The following TTLL2 variants were observed in gnomAD, a reference collection of about 807,000 sequenced individuals.
The protein encoded by TTLL2 is probable tubulin polyglutamylase TTLL2.
Under a neutral mutation model 7.5 loss-of-function variants are expected in TTLL2, and 10 were observed. The observed-to-expected ratio is 1.33, with a 90% CI of 0.82 to 2.25. The LOEUF is 2.25. Among genes scored for constraint, TTLL2 ranks in the 30% most tolerant of loss-of-function variants. TTLL2 has a pLI of 0.00. For synonymous variants in TTLL2, 284 were observed against 280.3 expected (o/e 1.01, Z -0.13); for missense variants, 733 against 735.7 (o/e 1.00, Z 0.04).
chr6:167,330,902 A>C (rs2115211745), intron 1 of TTLL2, among the ~76,000 whole-genome samples: 1 of 152,284 alleles, frequency 6.6e-6, no homozygotes, highest in East Asian at 1.9e-4. Flanking sequence ...TCCCTTCTGC[A>C]GTGCACAACA....
chr6:167,334,144 C>CTTT (rs1378230835), intron 1 of TTLL2, among the ~76,000 whole-genome samples: 6 of 142,052 alleles, frequency 4.2e-5, no homozygotes, highest in Non-Finnish European at 7.6e-5. Flanking sequence ...TATGTTGTGT[C>CTTT]TTTGTTCTCG....
chr6:167,340,562 G>A lies in TTLL2; in HGVS notation c.662G>A (p.Gly221Glu), dbSNP rs1296663217. Reference sequence around the variant, plus strand: ...CCTGCTGAGTTATCTCGTGGGAGGGGGATACTAATTTTCAGTGACTTTAAA... The same window carrying A: ...CCTGCTGAGTTATCTCGTGGGAGGGAGATACTAATTTTCAGTGACTTTAAA... Reference protein sequence around the residue: ...CKPAELSRGRGILIFSDFKDF... With the variant: ...CKPAELSRGREILIFSDFKDF... Residue 221 changes from glycine to glutamate, a missense_variant, in exon 3 of 3, where the codon GGG becomes GAG. Physicochemically the swap from Gly to Glu is moderately conservative, Grantham distance 98. Transcript: ENST00000239587. 3 of 1,613,904 alleles carry A rather than the reference G, an allele frequency of 1.9e-6. No homozygotes were observed. Among genetic ancestry groups the A allele is most frequent in the Non-Finnish European group, 2.5e-6 (3 of 1,180,026 alleles).
chr6:167,335,608 T>G (rs903710383), intron 1 of TTLL2, among the ~76,000 whole-genome samples: 3 of 150,862 alleles, frequency 2.0e-5, no homozygotes, highest in Non-Finnish European at 4.4e-5. Context: ...TAAGAAAATG[T>G]GGCATATATA....
chr6:167,336,185 A>G (rs950423385), intron 1 of TTLL2, among the ~76,000 whole-genome samples: 8 of 151,846 alleles, frequency 5.3e-5, no homozygotes, highest in Non-Finnish European at 1.0e-4. Context: ...GCTGAGGATC[A>G]TGGGGGTTCT....
intron 1 of TTLL2, among the ~76,000 whole-genome samples, chr6:167,327,074 A>G (rs1224545184): frequency 6.6e-6 from 1 of 152,202 alleles, no homozygotes; most frequent in Non-Finnish European, 1.5e-5. Context: ...GTAAGAGGGA[A>G]GCAGTTGCAA....
In TTLL2 at chr6:167,340,872, C is replaced by T. The variant is rs77767783; in HGVS notation, c.972C>T (p.Leu324=). 3.7e-3 allele frequency: 5,984 copies of T among 1,614,132 alleles called. 22 individuals are homozygous for T. Among genetic ancestry groups the T allele is most frequent in the Non-Finnish European group, 3.8e-3 (4,436 of 1,180,020 alleles). Residue 324 remains leucine (L), a synonymous_variant, in exon 3 of 3, where the codon CTC becomes CTT. Transcript: ENST00000239587. The part of the protein sequence containing the change: ...EVIGHGCKWT[L]SRFFSYLRSW... Reference sequence around the variant, plus strand: ...TTGGTCATGGTTGTAAATGGACGCTCAGCAGATTTTTTTCCTACCTTCGTA... The same window carrying T: ...TTGGTCATGGTTGTAAATGGACGCTTAGCAGATTTTTTTCCTACCTTCGTA...
chr6:167,327,060 G>T (rs781227258), intron 1 of TTLL2, among the ~76,000 whole-genome samples: 1 of 152,136 alleles, frequency 6.6e-6, no homozygotes, highest in Non-Finnish European at 1.5e-5. Flanking sequence ...AAAAAGGAGG[G>T]TCTGTAAGAG....
At position 167,341,251 on chromosome 6, in the gene TTLL2, G is replaced by C. The variant is rs1332665796; in HGVS notation, c.1351G>C (p.Asp451His). The change falls in exon 3 of 3, where the codon GAC becomes CAC. Residue 451 changes from aspartate to histidine, a missense_variant. Physicochemically the swap from Asp to His is moderately conservative, Grantham distance 81. Coordinates refer to ENST00000239587, the MANE Select transcript of TTLL2 (RefSeq NM_031949.5). ...TGACAGAGGTGGGCTTGATGCTCCTGACTGTCTTCCTTATGATTCTCTTTC... is the reference window on the plus strand; with the variant it reads ...TGACAGAGGTGGGCTTGATGCTCCTCACTGTCTTCCTTATGATTCTCTTTC... ...KSDRGGLDAP[D>H]CLPYDSLSFT... 1.9e-6 allele frequency: 3 copies of C among 1,613,642 alleles called. No individual in the cohort carries two copies. The South Asian group carries it at 3.3e-5, about 18-fold the overall frequency.
chr6:167,339,139 A>C (rs924497627), intron 2 of TTLL2, among the ~76,000 whole-genome samples: 17 of 102,372 alleles, frequency 1.7e-4, no homozygotes, highest in African/African-American at 4.7e-4. Context: ...TATCAATCAG[A>C]AATTTTCAAA....
rs1779102227 is a variant in TTLL2, at chr6:167,341,828, T to C, written c.*149T>C. Reference sequence around the variant, plus strand: ...CTGAAGATGTGGCCATATGTATAAATATAACAGCTCTGACAAAGCACAATA... The same window carrying C: ...CTGAAGATGTGGCCATATGTATAAACATAACAGCTCTGACAAAGCACAATA... On this transcript the variant is annotated 3_prime_UTR_variant, in exon 3 of 3. Transcript: ENST00000239587. 2.4e-6 allele frequency: 2 copies of C among 833,810 alleles called. No homozygotes were observed. Among genetic ancestry groups the C allele is most frequent in the Admixed American group, 3.0e-5 (1 of 33,048 alleles). 51.7% of individuals were successfully genotyped at this position (833,810 alleles called of 1,614,324 possible).
At position 167,341,504 on chromosome 6, in the gene TTLL2, C is replaced by T. The variant is rs1421444513; in HGVS notation, c.1604C>T (p.Thr535Ile). The change falls in exon 3 of 3, where the codon ACC becomes ATC. Residue 535 changes from threonine to isoleucine, a missense_variant. Transcript: ENST00000239587. The stretch of plus-strand genomic sequence containing the variant: ...CTCTTCCAGTCGCACTCCTGCAAGA[C>T]CAAGACCTCCCCGTGTGTCCTGTCA... Reference protein sequence around the residue: ...ASLFQSHSCKTKTSPCVLSDR... With the variant: ...ASLFQSHSCKIKTSPCVLSDR... 2 of 1,614,058 alleles carry T rather than the reference C, an allele frequency of 1.2e-6. No homozygotes were observed. The highest frequency in any genetic ancestry group is 3.3e-5 in the Admixed American group (2 of 60,008).
chr6:167,338,831 C>CCTTCCTTCCTTCCTTT, intron 2 of TTLL2, 28 bp downstream of exon 2: 1 of 1,330,664 alleles, frequency 7.5e-7, no homozygotes. Context: ...GTAGTTCCTT[C>CCTTCCTTCCTTCCTTT]CTTCCTTCCT....
intron 1 of TTLL2, among the ~76,000 whole-genome samples, chr6:167,325,467 G>C (rs921864644): frequency 3.9e-5 from 6 of 152,212 alleles, no homozygotes; most frequent in African/African-American, 1.4e-4. Context: ...CCTCCTGCAT[G>C]CTGAGGTGCC....
In TTLL2 at chr6:167,340,446, C is replaced by T. The variant is rs780270059; in HGVS notation, c.546C>T (p.Phe182=). 27 of 1,614,016 alleles carry T rather than the reference C, an allele frequency of 1.7e-5. No individual in the cohort carries two copies. Among genetic ancestry groups the T allele is most frequent in the Admixed American group, 1.2e-4 (7 of 60,002 alleles). ...TSLYQFIPLT[F]VMPNDYTKFV... Reference sequence around the variant, plus strand: ...TGTACCAGTTCATCCCCCTGACGTTCGTCATGCCCAATGACTATACCAAGT... The same window carrying T: ...TGTACCAGTTCATCCCCCTGACGTTTGTCATGCCCAATGACTATACCAAGT... Residue 182 remains phenylalanine, a synonymous_variant, in exon 3 of 3, where the codon TTC becomes TTT. Coordinates refer to ENST00000239587, the MANE Select transcript of TTLL2 (RefSeq NM_031949.5).
intron 1 of TTLL2, among the ~76,000 whole-genome samples, chr6:167,334,406 A>C (rs553719808): frequency 2.0e-5 from 3 of 150,100 alleles, no homozygotes; most frequent in African/African-American, 7.5e-5. Context: ...GTGCTGAAAA[A>C]AAATGTATAT....
chr6:167,331,402 T>A (rs1025814528), intron 1 of TTLL2, among the ~76,000 whole-genome samples: 2 of 152,188 alleles, frequency 1.3e-5, no homozygotes, highest in African/African-American at 4.8e-5. Flanking sequence ...TGTCTCCCTA[T>A]GTCCCCTCCT....
chr6:167,338,818 C>T lies in TTLL2; in HGVS notation c.204+15C>T, dbSNP rs1315942428. 7.7e-7 allele frequency: 1 copy of T among 1,295,322 alleles called. No individual in the cohort carries two copies. Among genetic ancestry groups the T allele is most frequent in the Non-Finnish European group, 1.0e-6 (1 of 962,494 alleles). 80.2% of individuals were successfully genotyped at this position (1,295,322 alleles called of 1,614,324 possible). The stretch of plus-strand genomic sequence containing the variant: ...TGGAGAAGAAGGTGGGTGGGCAAGC[C>T]AGGTAGTTCCTTCCTTCCTTCCTTC... On this transcript the variant is annotated intron_variant, in intron 2 of 2. Coordinates refer to ENST00000239587, the MANE Select transcript of TTLL2 (RefSeq NM_031949.5).
At chr6:167,334,188 A>C (rs1184666349) in intron 1 of TTLL2, among the ~76,000 whole-genome samples, 7 of 144,150 alleles carry the variant, frequency 4.9e-5, no homozygotes, top group Admixed American at 2.1e-4. Flanking sequence ...TTCTGCCTTC[A>C]TTTCGTTATG....
intron 1 of TTLL2, among the ~76,000 whole-genome samples, chr6:167,329,819 G>A (rs1003616466): frequency 2.6e-4 from 39 of 152,126 alleles, no homozygotes; most frequent in African/African-American, 8.9e-4. Flanking sequence ...GCTAGCAGTC[G>A]TTCTTGTCTG....
Sources: allele counts gnomAD v4.1 joint callset (sites outside exome capture counted in the v4.1 genomes callset), GRCh38; gene constraint gnomAD v4.1.1; transcripts MANE v1.5; gene names NCBI Gene and HGNC (gene_info 2026-07-23, HGNC 2026-07-21).